ATP11B: variants seen among roughly 807,000 people sequenced by gnomAD.
ATP11B encodes the protein phospholipid-transporting ATPase IF.
In ATP11B, 81 loss-of-function variants were observed where a neutral mutation model predicts 157.8. The observed-to-expected ratio is 0.51, with a 90% CI of 0.43 to 0.62. ATP11B has a LOEUF of 0.62. Ranked by LOEUF, ATP11B falls within the 20% of genes least tolerant of loss-of-function variation. The pLI, the probability that ATP11B is intolerant of heterozygous loss-of-function variation, is 0.00. For synonymous variants in ATP11B, 451 were observed against 469.4 expected (o/e 0.96, Z 0.51); for missense variants, 1,165 against 1,402.2 (o/e 0.83, Z 2.70).
chr3:182,909,351 T>C (rs1724602124), intron 28 of ATP11B, among the ~76,000 whole-genome samples: 1 of 152,218 alleles, frequency 6.6e-6, no homozygotes, highest in South Asian at 2.1e-4. Context: ...AATTATGTGG[T>C]CATTCCTGGG....
At chr3:182,829,048 G>T (rs1221534046) in intron 3 of ATP11B, among the ~76,000 whole-genome samples, 1 of 152,054 alleles carries the variant, frequency 6.6e-6, no homozygotes, top group Non-Finnish European at 1.5e-5. Flanking sequence ...AACAGACAAG[G>T]AACTTCTGAT....
intron 3 of ATP11B, 50 bp from the exon 4 acceptor site, chr3:182,829,621 AT>A: frequency 8.3e-7 from 1 of 1,198,716 alleles, no homozygotes; most frequent in Non-Finnish European, 1.2e-6. Context: ...TAATAGTGTG[AT>A]GTGCACAATA....
chr3:182,916,518 G>T, intron 29 of ATP11B: 1 of 985,290 alleles, frequency 1.0e-6, no homozygotes, highest in Admixed American at 6.1e-5. Flanking sequence ...GCATCATGGT[G>T]CTATATAAAG....
intron 1 of ATP11B, among the ~76,000 whole-genome samples, chr3:182,807,123 C>T (rs9833853): frequency 0.016 from 2,448 of 152,158 alleles, 56 homozygotes; most frequent in African/African-American, 0.055. Flanking sequence ...AAGCCAATAG[C>T]CAATTAGTGT....
chr3:182,822,791 C>G (rs1717454823), intron 2 of ATP11B, among the ~76,000 whole-genome samples: 1 of 152,146 alleles, frequency 6.6e-6, no homozygotes, highest in Non-Finnish European at 1.5e-5. Flanking sequence ...TGTTTCCTGA[C>G]TTTTTAATGA....
intron 1 of ATP11B, among the ~76,000 whole-genome samples, chr3:182,807,905 T>G (rs1462199391): frequency 1.3e-5 from 2 of 152,204 alleles, no homozygotes; most frequent in Admixed American, 1.3e-4. Context: ...CTCATGATAC[T>G]TATAAATTGA....
At chr3:182,875,544 T>C (rs1263921216) in intron 19 of ATP11B, among the ~76,000 whole-genome samples, 1 of 152,142 alleles carries the variant, frequency 6.6e-6, no homozygotes, top group Non-Finnish European at 1.5e-5. Flanking sequence ...CGGGTTCAAG[T>C]GATTCTCCTG....
At position 182,918,223 on chromosome 3, in the gene ATP11B, TA is replaced by T. The variant is rs1027350821; in HGVS notation, c.*120del. On this transcript the variant is annotated 3_prime_UTR_variant, in exon 30 of 30. Coordinates refer to ENST00000323116, the MANE Select transcript of ATP11B (RefSeq NM_014616.3). ...TTTCCAAAATCTTTGTAGTAGTTCA[TA>T]CCCACTCAGAGTTATAATGGCAAAC... is the stretch of plus-strand genomic sequence containing the variant. 4.5e-5 allele frequency: 64 copies of T among 1,421,256 alleles called. No homozygotes were observed. Among genetic ancestry groups the T allele is most frequent in the Non-Finnish European group, 6.0e-5 (63 of 1,054,308 alleles). The allele number at this position is 1,421,256 out of a possible 1,614,324, so 88.0% of individuals were successfully genotyped here.
chr3:182,853,492 C>A (rs1235379603), intron 10 of ATP11B, among the ~76,000 whole-genome samples: 1 of 151,678 alleles, frequency 6.6e-6, no homozygotes, highest in Non-Finnish European at 1.5e-5. Flanking sequence ...TGTGCCCGGC[C>A]AATAAATCAT....
chr3:182,883,205 C>T (rs1472278849), intron 21 of ATP11B, among the ~76,000 whole-genome samples: 1 of 151,566 alleles, frequency 6.6e-6, no homozygotes, highest in Non-Finnish European at 1.5e-5. Context: ...TACAAGTATA[C>T]ATTTGAAGCA....
At chr3:182,826,960 C>T (rs1478025619) in intron 2 of ATP11B, among the ~76,000 whole-genome samples, 1 of 152,126 alleles carries the variant, frequency 6.6e-6, no homozygotes, top group African/African-American at 2.4e-5. Context: ...ATTGAGGCCT[C>T]ATTGCCTGAG....
chr3:182,842,300 A>G (rs1405365907), intron 8 of ATP11B, among the ~76,000 whole-genome samples, 178 bp downstream of exon 8: 1 of 152,124 alleles, frequency 6.6e-6, no homozygotes, highest in Non-Finnish European at 1.5e-5. Context: ...TCACTTCAGA[A>G]TCATTCAGTG....
At chr3:182,842,981 TC>T (rs1241475763) in intron 8 of ATP11B, among the ~76,000 whole-genome samples, 1 of 152,190 alleles carries the variant, frequency 6.6e-6, no homozygotes, top group Non-Finnish European at 1.5e-5. Flanking sequence ...CCTCTCAGAT[TC>T]CAAAAGCAGC....
intron 23 of ATP11B, among the ~76,000 whole-genome samples, chr3:182,887,135 CAG>C (rs1418226785): frequency 6.6e-6 from 1 of 152,142 alleles, no homozygotes; most frequent in Non-Finnish European, 1.5e-5. Context: ...AGCCATTGTG[CAG>C]AGTTTCATGG....
chr3:182,852,455 T>A (rs1720054338), intron 10 of ATP11B, among the ~76,000 whole-genome samples: 1 of 152,244 alleles, frequency 6.6e-6, no homozygotes, highest in East Asian at 1.9e-4. Context: ...TGAACAACTT[T>A]TTGTCACTGA....
chr3:182,873,833 A>G lies in ATP11B; in HGVS notation c.2070A>G (p.Glu690=). Residue 690 remains glutamate, a synonymous_variant, in exon 19 of 30, where the codon GAA becomes GAG. Transcript: ENST00000323116. ...TCAGACTACAAGATAAAGTTCGAGAAACTATTGAAGCATTGAGAATGGCTG... is the reference window on the plus strand; with the variant it reads ...TCAGACTACAAGATAAAGTTCGAGAGACTATTGAAGCATTGAGAATGGCTG... ...VEDRLQDKVR[E]TIEALRMAGI... is the part of the protein sequence containing the mutation. 1 of 1,614,118 alleles carries G rather than the reference A, an allele frequency of 6.2e-7. No homozygotes were observed. The highest frequency in any genetic ancestry group is 8.5e-7 in the Non-Finnish European group (1 of 1,179,966).
intron 23 of ATP11B, 106 bp downstream of exon 23, chr3:182,886,116 C>A: frequency 3.1e-6 from 2 of 638,498 alleles, no homozygotes; most frequent in Admixed American, 3.5e-5. Flanking sequence ...TTTTCTTAGT[C>A]CTGCAGGGAA....
chr3:182,830,991 T>G (rs1186020593), intron 4 of ATP11B, among the ~76,000 whole-genome samples: 1 of 152,192 alleles, frequency 6.6e-6, no homozygotes, highest in Admixed American at 6.5e-5. Flanking sequence ...CTCGTTTCTA[T>G]ATATACTTTC....
chr3:182,854,016 T>C (rs1447913796), intron 10 of ATP11B, among the ~76,000 whole-genome samples: 1 of 152,212 alleles, frequency 6.6e-6, no homozygotes, highest in Admixed American at 6.5e-5. Flanking sequence ...TTCAACCAAG[T>C]AACAAGTCAA....
Sources: allele counts gnomAD v4.1 joint callset (sites outside exome capture counted in the v4.1 genomes callset), GRCh38; gene constraint gnomAD v4.1.1; transcripts MANE v1.5; gene names NCBI Gene and HGNC (gene_info 2026-07-23, HGNC 2026-07-21).